The following E4F1 variants were observed in gnomAD, a reference collection of about 807,000 sequenced individuals.
E4F1 encodes E4F transcription factor 1.
Under a neutral mutation model 72.9 loss-of-function variants are expected in E4F1, and 30 were observed. The observed-to-expected ratio is 0.41, with a 90% CI of 0.31 to 0.56. E4F1 has a LOEUF of 0.56. E4F1 is among the 20% of genes least tolerant of loss of function. The pLI is 0.25. For missense variants in E4F1, 1,091 were observed against 1,117.5 expected (o/e 0.98, Z 0.34); for synonymous variants, 542 against 478.2 (o/e 1.13, Z -1.74).
intron 3 of E4F1, chr16:2,229,998 G>T (rs1223099285): frequency 1.8e-5 from 6 of 327,432 alleles, no homozygotes; most frequent in Non-Finnish European, 3.6e-5. Context: ...CCACCCCCTG[G>T]TTCCTGCTCC....
rs185238292 is a variant in E4F1 at position 2,235,494 on chromosome 16, C to A, written c.2277C>A (p.Ile759=). ...TGACCATGGTGTCATCAGAGGACAT[C>A]GAGATCCTGGAGCATGCAGGCGAGC... is the stretch of plus-strand genomic sequence containing the variant. ...ATVTMVSSED[I]EILEHAGELV... is the part of the protein sequence containing the mutation. Residue 759 remains isoleucine, a synonymous_variant, in exon 14 of 14, where the codon ATC becomes ATA. Coordinates refer to ENST00000301727, the MANE Select transcript of E4F1 (RefSeq NM_004424.5). The A allele has an allele frequency of 3.1e-6, 5 of 1,610,978 alleles. No individual in the cohort carries two copies. The highest frequency in any genetic ancestry group is 3.4e-6 in the Non-Finnish European group (4 of 1,178,624).
At chr16:2,233,750 G>C in intron 8 of E4F1, 103 bp downstream of exon 8, 1 of 1,439,002 alleles carries the variant, frequency 6.9e-7, no homozygotes, top group Non-Finnish European at 9.4e-7. Context: ...CAGTGACTTT[G>C]TCCATTGATC....
At position 2,232,442 on chromosome 16, in the gene E4F1, G is replaced by A. The variant is rs762287426; in HGVS notation, c.610-14G>A. The A allele has an allele frequency of 9.9e-6, 16 of 1,608,688 alleles. No individual in the cohort carries two copies. Among genetic ancestry groups the A allele is most frequent in the African/African-American group, 2.7e-5 (2 of 74,828 alleles). On this transcript the variant is annotated splice_polypyrimidine_tract_variant and intron_variant, in intron 4 of 13. Transcript: ENST00000301727. ...CCCCAGGAGGGCCCTGAGCTGCCAC[G>A]CCCTCCCCCACAGGGCAGCATCCTC...
intron 1 of E4F1, 128 bp from the exon 2 acceptor site, chr16:2,228,243 TG>T: frequency 3.2e-6 from 4 of 1,257,472 alleles, no homozygotes; most frequent in Non-Finnish European, 3.4e-6. Context: ...CTCAGCAGCC[TG>T]GGGAAGTAGC....
At position 2,234,269 on chromosome 16, in the gene E4F1, C is replaced by T. The variant is rs142977286; in HGVS notation, c.1474C>T (p.Arg492Cys). The change falls in exon 10 of 14, where the codon CGC becomes TGC. Residue 492 changes from arginine to cysteine, a missense_variant. Arg to Cys is a radical substitution (Grantham distance 180, BLOSUM62 -3). Around this residue, in one of 5 missense-constraint regions of E4F1, gnomAD observed 622 missense variants for 628.0 expected, o/e 0.99. Coordinates refer to ENST00000301727, the MANE Select transcript of E4F1 (RefSeq NM_004424.5). ...GGTGCACGTGCGTGAGCGCCGCTTCCGCTGTGGCGACTGCGGGAAGCTCTA... is the reference window on the plus strand; with the variant it reads ...GGTGCACGTGCGTGAGCGCCGCTTCTGCTGTGGCGACTGCGGGAAGCTCTA... ...QEVHVRERRF[R>C]CGDCGKLYKT... is the part of the protein sequence containing the mutation. The T allele has an allele frequency of 2.6e-5, 42 of 1,612,826 alleles. No homozygotes were observed. The highest frequency in any genetic ancestry group is 1.9e-4 in the South Asian group (17 of 91,096).
At position 2,235,729 on chromosome 16, in the gene E4F1, C is replaced by T. The variant is rs2093504710; in HGVS notation, c.*157C>T. On this transcript the variant is annotated 3_prime_UTR_variant, in exon 14 of 14. Coordinates refer to ENST00000301727, the MANE Select transcript of E4F1 (RefSeq NM_004424.5). The stretch of plus-strand genomic sequence containing the variant: ...AGTTTCTTGTTGCTTTACAATAAAA[C>T]ATGAGAACCTGCAGCTTGTGATGTT... 1 of 658,738 alleles carries T rather than the reference C, an allele frequency of 1.5e-6. No individual in the cohort carries two copies. Among genetic ancestry groups the T allele is most frequent in the Non-Finnish European group, 2.5e-6 (1 of 402,448 alleles). 40.8% of individuals were successfully genotyped at this position (658,738 alleles called of 1,614,324 possible). A position where few individuals can be genotyped will look rare whatever the true frequency, so the allele number is the denominator to read the frequency against.
intron 1 of E4F1, among the ~76,000 whole-genome samples, chr16:2,228,034 C>T (rs1209385931): frequency 6.6e-6 from 1 of 152,156 alleles, no homozygotes; most frequent in Non-Finnish European, 1.5e-5. Context: ...CCTCCCAGCC[C>T]CTCTCTGGGC....
intron 5 of E4F1, 59 bp from the exon 6 acceptor site, chr16:2,232,697 T>A (rs2093475616): frequency 6.2e-6 from 10 of 1,609,468 alleles, no homozygotes; most frequent in Non-Finnish European, 7.6e-6. Flanking sequence ...TGCCTTCGCC[T>A]TGTCACCTTG....
chr16:2,224,292 T>A (rs2141425384), intron 1 of E4F1, among the ~76,000 whole-genome samples: 1 of 152,350 alleles, frequency 6.6e-6, no homozygotes, highest in South Asian at 2.1e-4. Flanking sequence ...CACTTGCCGC[T>A]TTCTAGTTCT....
chr16:2,232,320 G>A lies in E4F1; in HGVS notation c.565G>A (p.Asp189Asn), dbSNP rs746661970. The A allele has an allele frequency of 1.1e-5, 18 of 1,609,790 alleles. No homozygotes were observed. Among genetic ancestry groups the A allele is most frequent in the Non-Finnish European group, 1.5e-5 (18 of 1,178,252 alleles). Reference protein sequence around the residue: ...QAQVKLLVNKDGRYVCALCHK... With the variant: ...QAQVKLLVNKNGRYVCALCHK... ...CCAGGTGAAGCTACTGGTGAACAAGGATGGCCGCTATGTGTGTGCGCTGTG... is the reference window on the plus strand; with the variant it reads ...CCAGGTGAAGCTACTGGTGAACAAGAATGGCCGCTATGTGTGTGCGCTGTG... Residue 189 changes from aspartate (D) to asparagine (N), a missense_variant, in exon 4 of 14, where the codon GAT (aspartate) becomes AAT (asparagine). Physicochemically the swap from Asp to Asn is conservative, Grantham distance 23. Coordinates refer to ENST00000301727, the MANE Select transcript of E4F1 (RefSeq NM_004424.5).
intron 1 of E4F1, among the ~76,000 whole-genome samples, chr16:2,225,751 C>T (rs1455947435): frequency 4.2e-5 from 6 of 142,440 alleles, no homozygotes; most frequent in Admixed American, 2.2e-4. Flanking sequence ...GGAATACAGT[C>T]GTGCGCCACC....
At chr16:2,231,962 G>C (rs561026899) in intron 3 of E4F1, 1 of 613,188 alleles carries the variant, frequency 1.6e-6, no homozygotes, top group South Asian at 2.0e-5. Flanking sequence ...CAGCCTGACA[G>C]AGTCGGGAGG....
rs757488406 is a variant in E4F1, at chr16:2,232,922, G to A, written c.883+14G>A. On this transcript the variant is annotated intron_variant, in intron 6 of 13. Coordinates refer to ENST00000301727, the MANE Select transcript of E4F1 (RefSeq NM_004424.5). The stretch of plus-strand genomic sequence containing the variant: ...ACGCACGTGCAGGTCAGCATGGTGC[G>A]GGCAGCTGCCTGGTCCTGGGGGCTG... 20 of 1,613,032 alleles carry A rather than the reference G, an allele frequency of 1.2e-5. No homozygotes were observed. The highest frequency in any genetic ancestry group is 2.7e-5 in the African/African-American group (2 of 74,942).
chr16:2,233,692 C>T, intron 8 of E4F1, 45 bp downstream of exon 8: 1 of 1,516,372 alleles, frequency 6.6e-7, no homozygotes, highest in Non-Finnish European at 8.8e-7. Flanking sequence ...GGCTGGATCC[C>T]AGGGGCTGTC....
chr16:2,229,784 T>A, intron 3 of E4F1, 109 bp downstream of exon 3: 1 of 1,263,684 alleles, frequency 7.9e-7, no homozygotes, highest in Non-Finnish European at 1.1e-6. Flanking sequence ...AGGGCCTGGC[T>A]GGGAGGGGCC....
rs756300887 is a variant in E4F1 at position 2,232,876 on chromosome 16, A to G, written c.851A>G (p.Asp284Gly). 9.9e-6 allele frequency: 16 copies of G among 1,613,296 alleles called. No homozygotes were observed. Among genetic ancestry groups the G allele is most frequent in the Non-Finnish European group, 4.2e-6 (5 of 1,180,008 alleles). Residue 284 changes from aspartate to glycine, a missense_variant, in exon 6 of 14, where the codon GAC (aspartate) becomes GGC (glycine). Physicochemically the swap from Asp to Gly is moderately conservative, Grantham distance 94. Coordinates refer to ENST00000301727, the MANE Select transcript of E4F1 (RefSeq NM_004424.5). ...AAAATCCGCTTCAGTGTGAGCAAGG[A>G]CGTGGTTGTCAGCAAAGAGGACGCA... ...TEKIRFSVSKDVVVSKEDARA... is the reference protein window; with the variant it reads ...TEKIRFSVSKGVVVSKEDARA...
At chr16:2,229,923 C>T (rs1178564167) in intron 3 of E4F1, 3 of 479,296 alleles carry the variant, frequency 6.3e-6, no homozygotes, top group Non-Finnish European at 1.2e-5. Flanking sequence ...GGGCTGTGCT[C>T]TCTCCCGTCA....
At chr16:2,228,157 TG>T (rs2093443267) in intron 1 of E4F1, 1 of 622,572 alleles carries the variant, frequency 1.6e-6, no homozygotes, top group Non-Finnish European at 2.9e-6. Context: ...CTCCTGAGGG[TG>T]GGTCTGGCCC....
intron 1 of E4F1, among the ~76,000 whole-genome samples, chr16:2,224,120 TCCTGCA>T (rs1203381731): frequency 6.6e-6 from 1 of 152,192 alleles, no homozygotes; most frequent in Non-Finnish European, 1.5e-5. Context: ...GGCCCCTTCC[TCCTGCA>T]CCTGATGGGC....
Sources: gnomAD v4.1 joint callset for allele counts (sites outside exome capture counted in the v4.1 genomes callset) on GRCh38, gnomAD v4.1.1 for gene constraint, gnomAD v4.1.1 regional missense constraint, MANE v1.5 for transcripts, NCBI Gene and HGNC (gene_info 2026-07-23, HGNC 2026-07-21) for gene names.